The following OSBPL8 variants were observed in gnomAD, a reference collection of about 807,000 sequenced individuals.
OSBPL8 encodes the protein oxysterol-binding protein-related protein 8.
OSBPL8 carries 59 observed loss-of-function variants against 125.5 expected under a neutral mutation model. The ratio of observed to expected loss-of-function variants is 0.47; its 90% CI spans 0.38 to 0.58. The LOEUF is 0.58. Ranked by LOEUF, OSBPL8 falls within the 20% of genes least tolerant of loss-of-function variation. The probability of loss-of-function intolerance (pLI) is 0.00; values close to 1 mark genes in which losing one functional copy is unlikely to be tolerated. For missense variants in OSBPL8, 758 were observed against 1,047.8 expected, an observed-to-expected ratio of 0.72 and a Z score of 3.82; for synonymous variants, 330 against 338.9, an observed-to-expected ratio of 0.97 and a Z score of 0.29.
chr12:76,526,706 A>C (rs1950188239), intron 1 of OSBPL8, among the ~76,000 whole-genome samples: 1 of 126,362 alleles, frequency 7.9e-6, no homozygotes, highest in Non-Finnish European at 1.6e-5. Context: ...GCTGGAGTGC[A>C]ATGGTGCGAT....
chr12:76,476,406 T>C (rs1309828582), intron 2 of OSBPL8, among the ~76,000 whole-genome samples: 1 of 151,938 alleles, frequency 6.6e-6, no homozygotes, highest in East Asian at 1.9e-4. Context: ...ATAAACATGT[T>C]TAAAAAGATA....
At chr12:76,381,097 T>TTTTAATATACTTTTAATA (rs1953028678) in intron 15 of OSBPL8, among the ~76,000 whole-genome samples, 1 of 152,206 alleles carries the variant, frequency 6.6e-6, no homozygotes, top group Non-Finnish European at 1.5e-5. Context: ...TTTAATATAC[T>TTTTAATATACTTTTAATA]GATCATGATA....
At chr12:76,430,413 T>C (rs1464636596) in intron 4 of OSBPL8, among the ~76,000 whole-genome samples, 3 of 152,080 alleles carry the variant, frequency 2.0e-5, no homozygotes, top group Non-Finnish European at 1.5e-5. Context: ...TCTTTATCTG[T>C]TGAATTCAGT....
At chr12:76,443,568 G>T (rs1173225309) in intron 4 of OSBPL8, among the ~76,000 whole-genome samples, 1 of 152,208 alleles carries the variant, frequency 6.6e-6, no homozygotes, top group East Asian at 1.9e-4. Flanking sequence ...GAGTGCAGTG[G>T]CGCGATCTTG....
At chr12:76,470,948 AATTAT>A (rs1876063461) in intron 2 of OSBPL8, among the ~76,000 whole-genome samples, 1 of 152,214 alleles carries the variant, frequency 6.6e-6, no homozygotes, top group African/African-American at 2.4e-5. Flanking sequence ...GTATACCAAA[AATTAT>A]ATTAGGTAAT....
chr12:76,404,392 A>G (rs187515615), intron 5 of OSBPL8, among the ~76,000 whole-genome samples: 41 of 152,316 alleles, frequency 2.7e-4, no homozygotes, highest in Non-Finnish European at 4.1e-4. Context: ...AAGTTAATGA[A>G]CATTCATGGT....
intron 2 of OSBPL8, among the ~76,000 whole-genome samples, chr12:76,460,305 T>C (rs1458893328): frequency 2.0e-5 from 3 of 152,106 alleles, no homozygotes; most frequent in African/African-American, 7.2e-5. Flanking sequence ...TTTAAAACTA[T>C]ATAACACCCA....
At chr12:76,378,632 C>T (rs1030584150) in intron 15 of OSBPL8, 82 bp from the exon 16 acceptor site, 1 of 929,210 alleles carries the variant, frequency 1.1e-6, no homozygotes, top group Non-Finnish European at 1.7e-6. Flanking sequence ...AGAACACCTA[C>T]CAGACATCTA....
At chr12:76,508,792 T>C (rs58018764) in intron 1 of OSBPL8, among the ~76,000 whole-genome samples, 6,929 of 152,256 alleles carry the variant, frequency 0.046, 576 homozygotes, top group African/African-American at 0.16. Flanking sequence ...ATCAGCAAGT[T>C]ACCCTATATG....
intron 1 of OSBPL8, among the ~76,000 whole-genome samples, chr12:76,488,595 A>T (rs1878403141): frequency 6.6e-6 from 1 of 152,180 alleles, no homozygotes; most frequent in Non-Finnish European, 1.5e-5. Flanking sequence ...GCAATCTGTG[A>T]TCAATAATCC....
At chr12:76,489,755 G>A (rs900441320) in intron 1 of OSBPL8, among the ~76,000 whole-genome samples, 10 of 152,166 alleles carry the variant, frequency 6.6e-5, no homozygotes, top group Admixed American at 6.5e-4. Flanking sequence ...ATGAATCAGG[G>A]AGTAATTTTA....
At position 76,392,589 on chromosome 12, in the gene OSBPL8, A is replaced by G; in HGVS notation, c.921T>C (p.Asp307=). 1 of 1,607,912 alleles carries G rather than the reference A, an allele frequency of 6.2e-7. No individual in the cohort carries two copies. The highest frequency in any genetic ancestry group is 1.1e-5 in the South Asian group (1 of 90,618). The part of the protein sequence containing the change: ...LLRANNLHSG[D]NFQLNDSEIE... ...CGGCAGTATCTACTTACTGGAAGTT[A>G]TCACCACTGTGGAGATTGTTAGCAC... Residue 307 remains aspartate, a synonymous_variant, in exon 10 of 24, where the codon GAT becomes GAC. Transcript: ENST00000261183.
chr12:76,356,582 A>G, intron 23 of OSBPL8, 44 bp downstream of exon 23: 1 of 1,233,682 alleles, frequency 8.1e-7, no homozygotes, highest in Non-Finnish European at 1.2e-6. Context: ...ATTCTTAACT[A>G]CTCCTTGGTC....
chr12:76,426,305 A>G (rs914900751), intron 4 of OSBPL8, among the ~76,000 whole-genome samples: 2 of 152,184 alleles, frequency 1.3e-5, no homozygotes, highest in Non-Finnish European at 2.9e-5. Flanking sequence ...TATGTTTCAG[A>G]GTGGTGCTCT....
intron 4 of OSBPL8, among the ~76,000 whole-genome samples, chr12:76,439,783 A>C (rs1393374213): frequency 1.3e-5 from 2 of 152,174 alleles, no homozygotes. Context: ...TTATTGGCTT[A>C]CAGTTGTTTA....
intron 1 of OSBPL8, among the ~76,000 whole-genome samples, chr12:76,536,577 G>T (rs1950505054): frequency 6.6e-6 from 1 of 151,932 alleles, no homozygotes; most frequent in Non-Finnish European, 1.5e-5. Flanking sequence ...TAAGTGTTAA[G>T]GTGAAGCAAA....
At chr12:76,543,070 T>C (rs1950690630) in intron 1 of OSBPL8, among the ~76,000 whole-genome samples, 1 of 152,138 alleles carries the variant, frequency 6.6e-6, no homozygotes, top group Non-Finnish European at 1.5e-5. Context: ...CTTCCCACAA[T>C]GGTAATTACA....
At chr12:76,550,076 T>C (rs969842011) in intron 1 of OSBPL8, among the ~76,000 whole-genome samples, 16 of 148,670 alleles carry the variant, frequency 1.1e-4, no homozygotes, top group Non-Finnish European at 2.2e-4. Context: ...CAAAAGGCAG[T>C]ATGCTGAAGA....
intron 4 of OSBPL8, among the ~76,000 whole-genome samples, chr12:76,421,521 ATCTCAGAAGAACACATATACCAC>A (rs764871970): frequency 2.0e-5 from 3 of 152,112 alleles, no homozygotes; most frequent in Non-Finnish European, 4.4e-5. Context: ...GCGTTTCACT[ATCTCAGAAGAACACATATACCAC>A]TTATCAACAT....
Sources: allele counts gnomAD v4.1 joint callset (sites outside exome capture counted in the v4.1 genomes callset), GRCh38; gene constraint gnomAD v4.1.1; transcripts MANE v1.5; gene names NCBI Gene and HGNC (gene_info 2026-07-23, HGNC 2026-07-21).